Variants in HRH1 observed in about 807,000 individuals in gnomAD.
HRH1 encodes the protein histamine receptor H1, also known as histamine H1 receptor.
In HRH1, 6 loss-of-function variants were observed where a neutral mutation model predicts 10.3. The ratio of observed to expected loss-of-function variants is 0.58; its 90% CI spans 0.32 to 1.15. The LOEUF (loss-of-function observed/expected upper bound fraction) is 1.15. Among genes scored for constraint, HRH1 ranks in the 50% most tolerant of loss-of-function variants. HRH1 has a pLI of 0.05. For missense variants in HRH1, 514 were observed against 615.3 expected (o/e 0.84, Z 1.74); for synonymous variants, 242 against 236.7 (o/e 1.02, Z -0.21).
At chr3:11,178,153 A>T (rs977497773) in intron 1 of HRH1, among the ~76,000 whole-genome samples, 1 of 151,826 alleles carries the variant, frequency 6.6e-6, no homozygotes, top group Non-Finnish European at 1.5e-5. Context: ...CTCTTATCTC[A>T]TGCATACTTT....
chr3:11,150,088 C>T (rs950218864), upstream of HRH1, among the ~76,000 whole-genome samples: 1 of 152,206 alleles, frequency 6.6e-6, no homozygotes, highest in Admixed American at 6.5e-5. Flanking sequence ...AATGAAAGTG[C>T]CTTTCTGAAA....
At chr3:11,149,949 C>A (rs1936564436), upstream of HRH1, among the ~76,000 whole-genome samples, 1 of 152,228 alleles carries the variant, frequency 6.6e-6, no homozygotes, top group Non-Finnish European at 1.5e-5. Flanking sequence ...CCTGATCTAG[C>A]CTTCACTCAC....
chr3:11,250,740 A>G (rs184322316), intron 1 of HRH1, among the ~76,000 whole-genome samples: 8 of 152,308 alleles, frequency 5.3e-5, no homozygotes, highest in Admixed American at 2.6e-4. Flanking sequence ...GGGTAGACCT[A>G]TGTTTTTTCA....
chr3:11,261,387 G>A lies in HRH1; in HGVS notation c.*886G>A, dbSNP rs200973112. 8 of 167,098 alleles carry A rather than the reference G, an allele frequency of 4.8e-5. No homozygotes were observed. Among genetic ancestry groups the A allele is most frequent in the African/African-American group, 1.9e-4 (8 of 41,450 alleles). The allele number at this position is 167,098 out of a possible 1,614,324, so 10.4% of individuals were successfully genotyped here. On this transcript the variant is annotated 3_prime_UTR_variant, in exon 2 of 2. Coordinates refer to ENST00000431010, the MANE Select transcript of HRH1 (RefSeq NM_001098212.2). ...TTAAGCCCCACAACACCCCACAGGA[G>A]GGTAATTTTCTAACTCTAGTTTGCA...
intron 1 of HRH1, among the ~76,000 whole-genome samples, chr3:11,246,280 C>T (rs368324261): frequency 6.6e-6 from 1 of 152,296 alleles, no homozygotes; most frequent in East Asian, 1.9e-4. Flanking sequence ...GCAGACAAGC[C>T]CTCATCTCAC....
chr3:11,259,137 C>T lies in HRH1; in HGVS notation c.100C>T (p.Leu34=), dbSNP rs201354391. The T allele has an allele frequency of 7.6e-5, 123 of 1,614,038 alleles. No homozygotes were observed. The highest frequency in any genetic ancestry group is 1.0e-4 in the Non-Finnish European group (119 of 1,180,040). The part of the protein sequence containing the change: ...SPQLMPLVVV[L]STICLVTVGL... ...CCAGCTGATGCCCCTGGTGGTGGTC[C>T]TGAGCACTATCTGCTTGGTCACAGT... Residue 34 remains leucine, a synonymous_variant, in exon 2 of 2, where the codon CTG becomes TTG. Transcript: ENST00000431010. This position sits in a 1 kb window ranked among gnomAD's most constrained non-coding sequence, Gnocchi z 4.6.
chr3:11,223,657 T>C (rs1177930633), intron 1 of HRH1, among the ~76,000 whole-genome samples: 1 of 152,158 alleles, frequency 6.6e-6, no homozygotes, highest in Non-Finnish European at 1.5e-5. Flanking sequence ...GTTCCCCCAC[T>C]CCACTCCAGC....
At chr3:11,229,767 G>A (rs1938992123) in intron 1 of HRH1, among the ~76,000 whole-genome samples, 1 of 152,052 alleles carries the variant, frequency 6.6e-6, no homozygotes, top group African/African-American at 2.4e-5. Flanking sequence ...GGAAAGTTCT[G>A]TAGATAACAA....
At chr3:11,205,087 A>G (rs139300372) in intron 1 of HRH1, among the ~76,000 whole-genome samples, 1 of 152,268 alleles carries the variant, frequency 6.6e-6, no homozygotes, top group East Asian at 1.9e-4. Context: ...TTTGGAAGCA[A>G]TTTCGCCAGT....
In HRH1 at chr3:11,190,365, AT is replaced by A. The variant is rs1203867752; in HGVS notation, c.-36+35817del. On this transcript the variant is annotated intron_variant, in intron 1 of 1. Transcript: ENST00000431010. ...TGTCTCTAGTAATATATATATATAT[AT>A]TTTTTAATTAATTAATTTATTTATT... 6.4e-4 allele frequency among the ~76,000 whole-genome samples: 85 copies of A among 133,038 alleles called. 1 individual carries two copies. Among genetic ancestry groups the A allele is most frequent in the African/African-American group, 2.5e-3 (82 of 32,888 alleles). The allele number at this position is 133,038 out of a possible 152,430, so 87.3% of individuals were successfully genotyped here.
intron 1 of HRH1, among the ~76,000 whole-genome samples, chr3:11,252,539 C>T (rs949755095): frequency 3.9e-5 from 6 of 152,132 alleles, no homozygotes; most frequent in African/African-American, 7.2e-5. Flanking sequence ...TGTTTTCAAC[C>T]GGAGTGAGGG....
intron 1 of HRH1, among the ~76,000 whole-genome samples, chr3:11,156,689 G>A (rs888212245): frequency 1.4e-4 from 22 of 152,152 alleles, no homozygotes; most frequent in African/African-American, 3.9e-4. Flanking sequence ...TCTTCACTGC[G>A]TTGGTAAGAG....
At chr3:11,213,346 T>A (rs1178789123) in intron 1 of HRH1, among the ~76,000 whole-genome samples, 1 of 152,242 alleles carries the variant, frequency 6.6e-6, no homozygotes, top group African/African-American at 2.4e-5. Flanking sequence ...ACTAGCTGTG[T>A]GACCTTGGGC....
chr3:11,174,145 C>G (rs1332606052), intron 1 of HRH1, among the ~76,000 whole-genome samples: 1 of 152,244 alleles, frequency 6.6e-6, no homozygotes, highest in Admixed American at 6.5e-5. Flanking sequence ...CCAGTAGAAA[C>G]CTCACAATCA....
At chr3:11,230,945 C>T (rs868553234) in intron 1 of HRH1, among the ~76,000 whole-genome samples, 5 of 152,296 alleles carry the variant, frequency 3.3e-5, no homozygotes, top group Admixed American at 1.3e-4. Context: ...TAAAGACAGT[C>T]GAGTACAGAA....
chr3:11,199,033 C>T (rs1407088319), intron 1 of HRH1, among the ~76,000 whole-genome samples: 3 of 152,014 alleles, frequency 2.0e-5, no homozygotes, highest in Non-Finnish European at 4.4e-5. Context: ...AAGCAACTCT[C>T]ATACCTCATC....
intron 1 of HRH1, among the ~76,000 whole-genome samples, chr3:11,247,120 C>T (rs1374758489): frequency 2.6e-5 from 4 of 152,038 alleles, no homozygotes; most frequent in Non-Finnish European, 4.4e-5. Flanking sequence ...GTCAGGAGTT[C>T]GAGACCAGCC....
chr3:11,167,296 G>A (rs944715902), intron 1 of HRH1, among the ~76,000 whole-genome samples: 7 of 142,546 alleles, frequency 4.9e-5, no homozygotes, highest in Non-Finnish European at 9.1e-5. Flanking sequence ...CTCCAGGCCC[G>A]TGACATCTGC....
intron 1 of HRH1, among the ~76,000 whole-genome samples, chr3:11,235,395 A>AT (rs56075605): frequency 0.67 from 102,375 of 152,086 alleles, 34,688 homozygotes; most frequent in Non-Finnish European, 0.7. Context: ...CGGGGAGAGT[A>AT]TGCTGCCTCA....
Sources: gnomAD v4.1 joint callset for allele counts (sites outside exome capture counted in the v4.1 genomes callset) on GRCh38, gnomAD v4.1.1 for gene constraint, Gnocchi (gnomAD v3.1) non-coding constraint, MANE v1.5 for transcripts, NCBI Gene and HGNC (gene_info 2026-07-23, HGNC 2026-07-21) for gene names.